ITCH: variants seen among roughly 807,000 people sequenced by gnomAD.
The protein encoded by ITCH is itchy E3 ubiquitin protein ligase, also known as E3 ubiquitin-protein ligase Itchy homolog.
ITCH carries 28 observed loss-of-function variants against 126.8 expected under a neutral mutation model. The ratio of observed to expected loss-of-function variants is 0.22; its 90% CI spans 0.16 to 0.30. ITCH has a LOEUF of 0.30. Among genes scored for constraint, ITCH ranks in the 10% least tolerant of loss-of-function variants. ITCH has a pLI of 1.00. For missense variants in ITCH, 631 were observed against 1,032.4 expected, an observed-to-expected ratio of 0.61 and a Z score of 5.33; for synonymous variants, 342 against 340.0, an observed-to-expected ratio of 1.01 and a Z score of -0.06.
chr20:34,479,826 T>C (rs202090189), intron 18 of ITCH, 37 bp downstream of exon 18: 13 of 1,585,916 alleles, frequency 8.2e-6, no homozygotes, highest in Non-Finnish European at 1.1e-5. Context: ...ACTTTGCTTA[T>C]TCAGCAATAC....
intron 11 of ITCH, among the ~76,000 whole-genome samples, chr20:34,447,617 G>T (rs963343560): frequency 6.6e-6 from 1 of 152,120 alleles, no homozygotes; most frequent in Admixed American, 6.6e-5. Context: ...AGAGCCAGTG[G>T]GGTTGGCTTC....
At chr20:34,447,121 G>T (rs1036119771) in intron 11 of ITCH, among the ~76,000 whole-genome samples, 3 of 151,480 alleles carry the variant, frequency 2.0e-5, no homozygotes, top group African/African-American at 7.3e-5. Flanking sequence ...AGCACCAACG[G>T]TGTGTTTTGA....
chr20:34,429,821 G>A (rs1465461628), intron 7 of ITCH, among the ~76,000 whole-genome samples: 3 of 151,108 alleles, frequency 2.0e-5, no homozygotes, highest in South Asian at 2.1e-4. Context: ...ATTAAATAGT[G>A]TGTAAAGTAA....
At chr20:34,484,885 C>A (rs1989000124) in intron 20 of ITCH, among the ~76,000 whole-genome samples, 1 of 152,002 alleles carries the variant, frequency 6.6e-6, no homozygotes, top group African/African-American at 2.4e-5. Flanking sequence ...TAAATATGAC[C>A]CAAATTGTGG....
At chr20:34,469,433 C>T (rs1444463476) in intron 14 of ITCH, among the ~76,000 whole-genome samples, 1 of 151,962 alleles carries the variant, frequency 6.6e-6, no homozygotes, top group Non-Finnish European at 1.5e-5. Context: ...GGATTAGAGG[C>T]ACCTGCCACC....
At chr20:34,390,847 G>A (rs147893770) in intron 2 of ITCH, among the ~76,000 whole-genome samples, 2 of 152,024 alleles carry the variant, frequency 1.3e-5, no homozygotes, top group Admixed American at 1.3e-4. Context: ...TGCCTCCCGG[G>A]TTCAAGCGAT....
At chr20:34,416,479 TC>T (rs1490320692) in intron 6 of ITCH, among the ~76,000 whole-genome samples, 2 of 152,184 alleles carry the variant, frequency 1.3e-5, no homozygotes, top group Non-Finnish European at 2.9e-5. Flanking sequence ...TCACTTTCAC[TC>T]CAAAAATACC....
chr20:34,441,734 C>T (rs1216008869), intron 9 of ITCH: 1 of 199,490 alleles, frequency 5.0e-6, no homozygotes, highest in East Asian at 1.2e-4. Context: ...TACAGGTGCC[C>T]ACCATCATGC....
chr20:34,507,773 A>G lies in ITCH; in HGVS notation c.2568A>G (p.Thr856=). ...AGCTGTTGTTTGCCATAGAAGAAAC[A>G]GAAGGATTTGGACAAGAGTAACTTC... ...KEKLLFAIEE[T]EGFGQE is the part of the protein sequence containing the mutation. The change falls in exon 25 of 25, where the codon ACA becomes ACG. Residue 856 remains threonine (T), a synonymous_variant. Transcript: ENST00000374864. 1 of 1,613,826 alleles carries G rather than the reference A, an allele frequency of 6.2e-7. No homozygotes were observed. The highest frequency in any genetic ancestry group is 1.1e-5 in the South Asian group (1 of 91,082).
chr20:34,503,869 G>GTTT (rs1491071174), intron 23 of ITCH, among the ~76,000 whole-genome samples: 2,884 of 114,214 alleles, frequency 0.025, 185 homozygotes, highest in East Asian at 0.12. Context: ...TTTTTTTTTT[G>GTTT]GTTTTTTTTT....
At chr20:34,433,016 G>A (rs1193643581) in intron 7 of ITCH, among the ~76,000 whole-genome samples, 8 of 151,780 alleles carry the variant, frequency 5.3e-5, no homozygotes, top group African/African-American at 1.7e-4. Flanking sequence ...TAGGCCGGGC[G>A]CAGTGGCTCA....
chr20:34,413,919 TA>T, intron 6 of ITCH, 40 bp downstream of exon 6: 1 of 1,493,338 alleles, frequency 6.7e-7, no homozygotes, highest in Non-Finnish European at 9.3e-7. Flanking sequence ...TGATTCTTCT[TA>T]AATAAAATAG....
chr20:34,451,215 G>A (rs954507402), intron 12 of ITCH, among the ~76,000 whole-genome samples: 6 of 151,872 alleles, frequency 4.0e-5, no homozygotes, highest in African/African-American at 1.2e-4. Context: ...ACTTGAACCC[G>A]GGAGGCGGAG....
intron 15 of ITCH, 48 bp downstream of exon 15, chr20:34,470,168 GC>G (rs1477371990): frequency 7.4e-7 from 1 of 1,356,406 alleles, no homozygotes; most frequent in Non-Finnish European, 1.0e-6. Context: ...TTGTTGTGTT[GC>G]TTTATATTAC....
At chr20:34,381,661 C>T (rs1205738981) in intron 2 of ITCH, among the ~76,000 whole-genome samples, 1 of 151,996 alleles carries the variant, frequency 6.6e-6, no homozygotes, top group East Asian at 1.9e-4. Context: ...CTCCTTGCCT[C>T]GTGATCCGCC....
intron 7 of ITCH, among the ~76,000 whole-genome samples, chr20:34,436,947 C>T (rs1226609619): frequency 2.0e-5 from 3 of 151,930 alleles, no homozygotes; most frequent in African/African-American, 7.3e-5. Flanking sequence ...GGCAACATGG[C>T]GAAACCCTGT....
intron 4 of ITCH, among the ~76,000 whole-genome samples, chr20:34,410,764 G>C (rs188522674): frequency 6.6e-6 from 1 of 152,224 alleles, no homozygotes; most frequent in Admixed American, 6.5e-5. Flanking sequence ...AGTTGAATTA[G>C]ATGGTCACCT....
At chr20:34,489,407 C>A (rs1989361298) in intron 21 of ITCH, 21 bp downstream of exon 21, 4 of 1,605,278 alleles carry the variant, frequency 2.5e-6, no homozygotes, top group African/African-American at 1.3e-5. Flanking sequence ...TTCCTTCATT[C>A]CCCTGTACCA....
At chr20:34,465,946 G>A (rs1370935083) in intron 14 of ITCH, among the ~76,000 whole-genome samples, 1 of 151,996 alleles carries the variant, frequency 6.6e-6, no homozygotes, top group East Asian at 1.9e-4. Context: ...TGGATACTAT[G>A]TTGACTACAA....
Sources: gnomAD v4.1 joint callset for allele counts (sites outside exome capture counted in the v4.1 genomes callset) on GRCh38, gnomAD v4.1.1 for gene constraint, MANE v1.5 for transcripts, NCBI Gene and HGNC (gene_info 2026-07-23, HGNC 2026-07-21) for gene names.